Variants in LRP4 observed in about 807,000 individuals in gnomAD.
LRP4 encodes the protein low-density lipoprotein receptor-related protein 4.
Under a neutral mutation model 220.3 loss-of-function variants are expected in LRP4, and 95 were observed. That is an observed-to-expected ratio of 0.43 (90% confidence interval 0.37 to 0.51). The LOEUF is 0.51. Among genes scored for constraint, LRP4 ranks in the 20% least tolerant of loss-of-function variants. The pLI, the probability that LRP4 is intolerant of heterozygous loss-of-function variation, is 0.00. For missense variants in LRP4, 1,925 were observed against 2,567.0 expected, an observed-to-expected ratio of 0.75 and a Z score of 5.40; for synonymous variants, 903 against 954.6, an observed-to-expected ratio of 0.95 and a Z score of 1.00.
rs2306032 is a variant in LRP4, at chr11:46,875,702, G to T, written c.3700-21C>A. On this transcript the variant is annotated intron_variant, in intron 26 of 37. Coordinates refer to ENST00000378623, the MANE Select transcript of LRP4 (RefSeq NM_002334.4). The surrounding 1 kb of genome is among the most constrained non-coding windows in gnomAD (Gnocchi z 4.5). ...ATTCGCTGCAGAGGAAGGAGAGGGT[G>T]GGGGGTGGTGATCAGCAGATTGGGA... The T allele has an allele frequency of 4.2e-5, 68 of 1,612,348 alleles. No individual in the cohort carries two copies. The Admixed American group carries it at 9.2e-4, about 22-fold the overall frequency.
intron 1 of LRP4, among the ~76,000 whole-genome samples, chr11:46,908,979 T>C (rs1391244699): frequency 1.3e-5 from 2 of 152,218 alleles, no homozygotes; most frequent in African/African-American, 2.4e-5. Flanking sequence ...ACAAGGTAAG[T>C]AGGAGAGCCA....
At chr11:46,862,195 T>A (rs1940575467) in intron 37 of LRP4, among the ~76,000 whole-genome samples, 1 of 152,014 alleles carries the variant, frequency 6.6e-6, no homozygotes, top group South Asian at 2.1e-4. Context: ...TAGCTTGGAC[T>A]GGAGGTTAGT....
intron 1 of LRP4, among the ~76,000 whole-genome samples, chr11:46,915,837 T>C (rs894027658): frequency 1.1e-4 from 17 of 152,206 alleles, no homozygotes; most frequent in African/African-American, 4.1e-4. Flanking sequence ...CTTTAATTCA[T>C]GCCTTGCTGA....
intron 16 of LRP4, among the ~76,000 whole-genome samples, chr11:46,888,573 A>AAAAAAAAAAAAAT (rs1565792099): frequency 3.3e-5 from 5 of 150,104 alleles, no homozygotes; most frequent in Non-Finnish European, 7.4e-5. Context: ...AAAAAAAAAA[A>AAAAAAAAAAAAAT]GAATGCAAGG....
intron 18 of LRP4, among the ~76,000 whole-genome samples, chr11:46,885,078 C>T (rs1020726567): frequency 2.6e-5 from 4 of 152,014 alleles, no homozygotes; most frequent in South Asian, 2.1e-4. Flanking sequence ...CTTGAACTCC[C>T]GGATTCAAGC....
chr11:46,869,156 A>C (rs1415459099), intron 31 of LRP4, 24 bp from the exon 32 acceptor site: 1 of 1,611,374 alleles, frequency 6.2e-7, no homozygotes, highest in South Asian at 1.1e-5. Flanking sequence ...GAAGCCCAAA[A>C]ACAGTAAATA....
intron 37 of LRP4, among the ~76,000 whole-genome samples, chr11:46,862,091 A>G (rs1723243650): frequency 8.0e-6 from 1 of 124,990 alleles, no homozygotes; most frequent in Admixed American, 8.2e-5. Context: ...AAAAAAAAAA[A>G]GCAAAAGCAG....
At chr11:46,902,464 T>C (rs887183063) in intron 2 of LRP4, among the ~76,000 whole-genome samples, 1 of 151,822 alleles carries the variant, frequency 6.6e-6, no homozygotes, top group African/African-American at 2.4e-5. Context: ...CGCACAAATA[T>C]GCGGTACATA....
intron 13 of LRP4, among the ~76,000 whole-genome samples, chr11:46,891,989 G>A (rs1941432771): frequency 6.6e-6 from 1 of 152,162 alleles, no homozygotes; most frequent in Admixed American, 6.6e-5. Flanking sequence ...GGAGGTCACT[G>A]TTGCAATCAC....
chr11:46,901,954 C>T (rs1456617689), intron 2 of LRP4, among the ~76,000 whole-genome samples: 1 of 151,758 alleles, frequency 6.6e-6, no homozygotes, highest in Non-Finnish European at 1.5e-5. Flanking sequence ...AGGATGGTCT[C>T]GATTTCCTGA....
chr11:46,864,586 G>T (rs775164680), intron 35 of LRP4, 51 bp from the exon 36 acceptor site: 2 of 1,231,334 alleles, frequency 1.6e-6, no homozygotes, highest in Non-Finnish European at 1.2e-6. Flanking sequence ...ACTTTCTAGC[G>T]GTGCTGGTGT....
intron 36 of LRP4, among the ~76,000 whole-genome samples, chr11:46,863,584 C>CAAAAAAAAAAAA (rs55744712): frequency 2.2e-4 from 12 of 53,986 alleles, no homozygotes; most frequent in Non-Finnish European, 3.4e-4. Flanking sequence ...ACTAAAAATA[C>CAAAAAAAAAAAA]AAAAAAAAAA....
At position 46,876,474 on chromosome 11, in the gene LRP4, A is replaced by G. The variant is rs751163409; in HGVS notation, c.3528T>C (p.His1176=). The change falls in exon 25 of 38, where the codon CAT becomes CAC. Residue 1176 remains histidine, a synonymous_variant. Coordinates refer to ENST00000378623, the MANE Select transcript of LRP4 (RefSeq NM_002334.4). ...ATACAGCCAGCTCTCACCCCATCTC[A>G]TGGTACAGTACGATGGCCCGGGGAC... ...LDSPRAIVLY[H]EMGFMYWTDW... 3.1e-6 allele frequency: 5 copies of G among 1,613,330 alleles called. No individual in the cohort carries two copies. The highest frequency in any genetic ancestry group is 4.2e-6 in the Non-Finnish European group (5 of 1,179,642).
chr11:46,873,307 C>T lies in LRP4; in HGVS notation c.4448+68G>A. 6.2e-7 allele frequency: 1 copy of T among 1,611,194 alleles called. No homozygotes were observed. Among genetic ancestry groups the T allele is most frequent in the Non-Finnish European group, 8.5e-7 (1 of 1,177,942 alleles). ...CCAGAGGTTGAGAGAACACAGAGGACCCACTAACACCATCTTTCCACCCAG... is the reference window on the plus strand; with the variant it reads ...CCAGAGGTTGAGAGAACACAGAGGATCCACTAACACCATCTTTCCACCCAG... On this transcript the variant is annotated intron_variant, in intron 29 of 37. Transcript: ENST00000378623. The surrounding 1 kb of genome is among the most constrained non-coding windows in gnomAD (Gnocchi z 4.2).
At position 46,899,409 on chromosome 11, in the gene LRP4, A is replaced by T. The variant is rs757433016; in HGVS notation, c.525T>A (p.Asp175Glu). 12 of 1,614,062 alleles carry T rather than the reference A, an allele frequency of 7.4e-6. No individual in the cohort carries two copies. Among genetic ancestry groups the T allele is most frequent in the Non-Finnish European group, 1.0e-5 (12 of 1,179,934 alleles). ...CACGACAGTTCTCCTCATCGGAGCC[A>T]TCTTTGCAGTCGGTGTCACCGTCGC... ...WYCDGDTDCK[D>E]GSDEENCPSA... The change falls in exon 5 of 38, where the codon GAT (aspartate) becomes GAA (glutamate). Residue 175 changes from aspartate to glutamate, a missense_variant. Around this residue, in one of 3 missense-constraint regions of LRP4, gnomAD observed 412 missense variants for 505.4 expected, o/e 0.82. Coordinates refer to ENST00000378623, the MANE Select transcript of LRP4 (RefSeq NM_002334.4). The surrounding 1 kb of genome is among the most constrained non-coding windows in gnomAD (Gnocchi z 5.9).
rs1186169758 is a variant in LRP4, at chr11:46,886,114, T to C, written c.2483A>G (p.Asn828Ser). 3.1e-6 allele frequency: 5 copies of C among 1,614,028 alleles called. No individual in the cohort carries two copies. The African/African-American group carries it at 5.3e-5, about 17-fold the overall frequency. Reference protein sequence around the residue: ...PAGLAIDWVTNKLYWTDAGTD... With the variant: ...PAGLAIDWVTSKLYWTDAGTD... ...ACCTGCATCTGTCCAGTACAGTTTG[T>C]TGGTGACCCAATCAATGGCCAGGCC... is the stretch of plus-strand genomic sequence containing the variant. The change falls in exon 18 of 38, where the codon AAC (asparagine) becomes AGC (serine). Residue 828 changes from asparagine to serine, a missense_variant. Transcript: ENST00000378623.
Position 46,856,810 on chromosome 11 carries a change from A to G in LRP4, c.*2173T>C, listed in dbSNP as rs973550528. ...TGTCTGTAAGCAGGTTTTCCACAGCATGGGTCTGCCAGACAGAGCAGGTGC... is the reference window on the plus strand; with the variant it reads ...TGTCTGTAAGCAGGTTTTCCACAGCGTGGGTCTGCCAGACAGAGCAGGTGC... On this transcript the variant is annotated 3_prime_UTR_variant, in exon 38 of 38. Transcript: ENST00000378623. The surrounding 1 kb of genome is among the most constrained non-coding windows in gnomAD (Gnocchi z 4.1). The G allele has an allele frequency of 2.6e-5, 4 of 152,606 alleles. No individual in the cohort carries two copies. Among genetic ancestry groups the G allele is most frequent in the Non-Finnish European group, 5.9e-5 (4 of 68,046 alleles). The allele number at this position is 152,606 out of a possible 1,614,324, so 9.5% of individuals were successfully genotyped here.
At chr11:46,878,770 A>G in intron 22 of LRP4, 137 bp downstream of exon 22, 6 of 1,293,622 alleles carry the variant, frequency 4.6e-6, no homozygotes, top group Non-Finnish European at 5.5e-6. Context: ...AAAAGCCGTG[A>G]GTCTCTCCCC....
In LRP4 at chr11:46,902,886, G is replaced by A; in HGVS notation, c.96C>T (p.Phe32=). The change falls in exon 2 of 38, where the codon TTC becomes TTT. Residue 32 remains phenylalanine (F), a synonymous_variant. Coordinates refer to ENST00000378623, the MANE Select transcript of LRP4 (RefSeq NM_002334.4). ...CTCCAAGAGCACTCACTGCACATGT[G>A]AAGTGGCTCCGACCACAAGCACACT... ...SPECACGRSH[F]TCAVSALGEC... is the part of the protein sequence containing the mutation. 1 of 1,614,128 alleles carries A rather than the reference G, an allele frequency of 6.2e-7. No homozygotes were observed. Among genetic ancestry groups the A allele is most frequent in the South Asian group, 1.1e-5 (1 of 91,084 alleles).
Sources: gnomAD v4.1 joint callset for allele counts (sites outside exome capture counted in the v4.1 genomes callset) on GRCh38, gnomAD v4.1.1 for gene constraint, gnomAD v4.1.1 regional missense constraint, Gnocchi (gnomAD v3.1) non-coding constraint, MANE v1.5 for transcripts, NCBI Gene and HGNC (gene_info 2026-07-23, HGNC 2026-07-21) for gene names.